The following MFAP3L variants were observed in gnomAD, a reference collection of about 807,000 sequenced individuals.
MFAP3L encodes the protein microfibril associated protein 3 like.
A neutral mutation model predicts 20.0 loss-of-function variants in MFAP3L; 5 were observed. The ratio of observed to expected loss-of-function variants is 0.25; its 90% CI spans 0.13 to 0.53. The LOEUF is 0.53. Among genes scored for constraint, MFAP3L ranks in the 20% least tolerant of loss-of-function variants. The probability of loss-of-function intolerance (pLI) is 0.96; values close to 1 mark genes in which losing one functional copy is unlikely to be tolerated. For synonymous variants in MFAP3L, 219 were observed against 213.0 expected, an observed-to-expected ratio of 1.03 and a Z score of -0.25; for missense variants, 409 against 527.5, an observed-to-expected ratio of 0.78 and a Z score of 2.20.
chr4:169,994,549 G>A (rs975170940), intron 2 of MFAP3L: 3 of 974,398 alleles, frequency 3.1e-6, no homozygotes, highest in Non-Finnish European at 3.7e-6. Flanking sequence ...GTTTCTGAAC[G>A]TGAACTTTGA....
Position 169,992,661 on chromosome 4 carries a change from A to T in MFAP3L, c.299-352T>A, listed in dbSNP as rs1737812626. Among the ~76,000 whole-genome samples the T allele has an allele frequency of 6.6e-6, 1 of 152,086 alleles. No individual in the cohort carries two copies. Among genetic ancestry groups the T allele is most frequent in the Non-Finnish European group, 1.5e-5 (1 of 68,020 alleles). ...CTTAACTACCAAACCATATTGTCTA[A>T]CTCCACATCCTAGTGAAAAATGAGA... On this transcript the variant is annotated intron_variant, in intron 2 of 2. Transcript: ENST00000361618. This position sits in a 1 kb window ranked among gnomAD's most constrained non-coding sequence, Gnocchi z 4.3.
At chr4:170,003,568 C>A in intron 2 of MFAP3L, 1 of 503,534 alleles carries the variant, frequency 2.0e-6, no homozygotes, top group Non-Finnish European at 2.6e-6. Flanking sequence ...AATGTTGGAA[C>A]TGAAATTCAG....
chr4:170,024,131 A>T (rs928911172), intron 1 of MFAP3L, among the ~76,000 whole-genome samples: 2 of 152,136 alleles, frequency 1.3e-5, no homozygotes, highest in African/African-American at 4.8e-5. Flanking sequence ...TTTTTTCTTC[A>T]TGAGCAGTAA....
intron 1 of MFAP3L, among the ~76,000 whole-genome samples, chr4:170,017,563 G>T (rs1452794914): frequency 6.6e-6 from 1 of 152,120 alleles, no homozygotes; most frequent in Non-Finnish European, 1.5e-5. Flanking sequence ...TCAGTCCAGG[G>T]CTCCTGTTAC....
intron 2 of MFAP3L, chr4:169,994,890 C>G (rs1738022390): frequency 6.6e-6 from 1 of 152,184 alleles, no homozygotes; most frequent in South Asian, 2.1e-4. Flanking sequence ...AGTCATATAT[C>G]TGTGAAGTGA....
Position 170,005,636 on chromosome 4 carries a change from T to C in MFAP3L, c.242A>G (p.Tyr81Cys). Reference protein sequence around the residue: ...YGIPDPQFKWYNSIGKLLKEE... With the variant: ...YGIPDPQFKWCNSIGKLLKEE... Reference sequence around the variant, plus strand: ...TTTCAGCAGCTTGCCAATGGAATTATACCACTTGAACTGTGGGTCAGGGAT... The same window carrying C: ...TTTCAGCAGCTTGCCAATGGAATTACACCACTTGAACTGTGGGTCAGGGAT... The change falls in exon 2 of 3, where the codon TAT becomes TGT. Residue 81 changes from tyrosine to cysteine, a missense_variant. This residue lies in a region of MFAP3L where 113 missense variants were observed against 131.1 expected (regional missense o/e 0.86). Transcript: ENST00000361618. 1.9e-6 allele frequency: 3 copies of C among 1,614,252 alleles called. No individual in the cohort carries two copies. Among genetic ancestry groups the C allele is most frequent in the East Asian group, 2.2e-5 (1 of 44,890 alleles).
intron 1 of MFAP3L, among the ~76,000 whole-genome samples, chr4:170,025,822 G>A (rs183611991): frequency 2.0e-5 from 3 of 152,248 alleles, no homozygotes; most frequent in Admixed American, 1.3e-4. Context: ...GCCAGCGCAC[G>A]CTCCTCCCTG....
chr4:170,014,931 T>C (rs1368346815), intron 1 of MFAP3L, among the ~76,000 whole-genome samples: 3 of 152,178 alleles, frequency 2.0e-5, no homozygotes, highest in Non-Finnish European at 4.4e-5. Context: ...AGGATAGTAT[T>C]AATAGTACCC....
At position 170,012,442 on chromosome 4, in the gene MFAP3L, G is replaced by A. The variant is rs1462481886; in HGVS notation, c.-133-6432C>T. On this transcript the variant is annotated intron_variant, in intron 1 of 2. Transcript: ENST00000361618. Reference sequence around the variant, plus strand: ...AAGAAATTCAACAAACCACTCCCTTGGGCAGCACTCTGCACTCTGCTGCCA... The same window carrying A: ...AAGAAATTCAACAAACCACTCCCTTAGGCAGCACTCTGCACTCTGCTGCCA... Among the ~76,000 whole-genome samples the A allele has an allele frequency of 3.9e-5, 6 of 152,222 alleles. No individual in the cohort carries two copies. The East Asian group carries it at 1.2e-3, about 29-fold the overall frequency.
intron 2 of MFAP3L, among the ~76,000 whole-genome samples, chr4:169,995,480 A>T (rs192157045): frequency 6.6e-6 from 1 of 152,362 alleles, no homozygotes; most frequent in Non-Finnish European, 1.5e-5. Context: ...AAGATGGTGC[A>T]AATTCTGTTT....
rs1264370557 is a variant in MFAP3L at position 170,011,180 on chromosome 4, T to C, written c.-133-5170A>G. 2.6e-5 allele frequency among the ~76,000 whole-genome samples: 4 copies of C among 152,302 alleles called. No homozygotes were observed. The East Asian group carries it at 7.7e-4, about 29-fold the overall frequency. ...CCAGCCATGTGGAACTGTGAATCAA[T>C]TAGACTTCTTTGCTTTATAAATTAC... On this transcript the variant is annotated intron_variant, in intron 1 of 2. Transcript: ENST00000361618.
At position 169,991,637 on chromosome 4, in the gene MFAP3L, T is replaced by G; in HGVS notation, c.971A>C (p.Gln324Pro). The change falls in exon 3 of 3, where the codon CAG becomes CCG. Residue 324 changes from glutamine to proline, a missense_variant. Gln to Pro is a moderately conservative substitution (Grantham distance 76, BLOSUM62 -1). This residue lies in a region of MFAP3L where 169 missense variants were observed against 178.2 expected (regional missense o/e 0.95). Coordinates refer to ENST00000361618, the MANE Select transcript of MFAP3L (RefSeq NM_021647.8). The surrounding 1 kb of genome is among the most constrained non-coding windows in gnomAD (Gnocchi z 4.9). ...QIAIKVSVHP[Q>P]SKKEHADDQE... Reference sequence around the variant, plus strand: ...GTCATCTGCATGCTCTTTTTTGGACTGCGGGTGAACTGACACCTTGATGGC... The same window carrying G: ...GTCATCTGCATGCTCTTTTTTGGACGGCGGGTGAACTGACACCTTGATGGC... 6.2e-7 allele frequency: 1 copy of G among 1,614,208 alleles called. No individual in the cohort carries two copies. The highest frequency in any genetic ancestry group is 8.5e-7 in the Non-Finnish European group (1 of 1,180,040).
chr4:170,005,005 A>C (rs1738938056), intron 2 of MFAP3L: 1 of 152,938 alleles, frequency 6.5e-6, no homozygotes, highest in African/African-American at 2.4e-5. Context: ...TCAGAAATGC[A>C]TTTATTAAAA....
At chr4:170,006,154 C>T in intron 1 of MFAP3L, 144 bp from the exon 2 acceptor site, 1 of 502,876 alleles carries the variant, frequency 2.0e-6, no homozygotes, top group Non-Finnish European at 3.0e-6. Flanking sequence ...GCTCTGTTGC[C>T]CAGGCTAGAG....
intron 1 of MFAP3L, among the ~76,000 whole-genome samples, chr4:170,010,638 C>T (rs993487098): frequency 6.6e-6 from 1 of 152,166 alleles, no homozygotes; most frequent in Non-Finnish European, 1.5e-5. Context: ...TAATAACAGT[C>T]TTTTCTCTAG....
rs1222010052 is a variant in MFAP3L, at chr4:169,988,762, A to T, written c.*2616T>A. ...TCAACCTCCCTTTATGTCAGTTGTT[A>T]TCAAAACCGAGAGCATTATGATGCC... On this transcript the variant is annotated 3_prime_UTR_variant, in exon 3 of 3. Coordinates refer to ENST00000361618, the MANE Select transcript of MFAP3L (RefSeq NM_021647.8). 6.6e-6 allele frequency: 1 copy of T among 152,230 alleles called. No homozygotes were observed. The highest frequency in any genetic ancestry group is 1.5e-5 in the Non-Finnish European group (1 of 68,040). The allele number at this position is 152,230 out of a possible 1,614,324, so 9.4% of individuals were successfully genotyped here.
Position 170,005,775 on chromosome 4 carries a change from T to G in MFAP3L, c.103A>C (p.Thr35Pro). The change falls in exon 2 of 3, where the codon ACT becomes CCT. Residue 35 changes from threonine (T) to proline (P), a missense_variant. By Grantham distance (38) the Thr-to-Pro change is conservative (BLOSUM62 -1). Transcript: ENST00000361618. The part of the protein sequence containing the change: ...LATAKSVTNS[T>P]LNGTNVVLGS... The stretch of plus-strand genomic sequence containing the variant: ...AAGACCACGTTAGTGCCATTTAAAG[T>G]GCTGTTAGTCACACTCTTAGCGGTG... 1 of 1,614,162 alleles carries G rather than the reference T, an allele frequency of 6.2e-7. No individual in the cohort carries two copies. The highest frequency in any genetic ancestry group is 8.5e-7 in the Non-Finnish European group (1 of 1,180,024).
At chr4:170,013,764 C>T (rs188600318) in intron 1 of MFAP3L, among the ~76,000 whole-genome samples, 41 of 152,306 alleles carry the variant, frequency 2.7e-4, no homozygotes, top group Admixed American at 2.1e-3. Context: ...TGTTTGAGCA[C>T]ATAATGTCAA....
chr4:170,010,700 G>C (rs971962129), intron 1 of MFAP3L, among the ~76,000 whole-genome samples: 4 of 152,038 alleles, frequency 2.6e-5, no homozygotes, highest in Non-Finnish European at 4.4e-5. Context: ...TACAAAATAT[G>C]TGTTAATGAG....
Sources: gnomAD v4.1 joint callset for allele counts (sites outside exome capture counted in the v4.1 genomes callset) on GRCh38, gnomAD v4.1.1 for gene constraint, gnomAD v4.1.1 regional missense constraint, Gnocchi (gnomAD v3.1) non-coding constraint, MANE v1.5 for transcripts, NCBI Gene and HGNC (gene_info 2026-07-23, HGNC 2026-07-21) for gene names.